DLG2: variants seen among roughly 807,000 people sequenced by gnomAD.
DLG2 encodes discs large MAGUK scaffold protein 2.
In DLG2, 45 loss-of-function variants were observed where a neutral mutation model predicts 132.5. That is an observed-to-expected ratio of 0.34 (90% confidence interval 0.27 to 0.44). The LOEUF (loss-of-function observed/expected upper bound fraction) is 0.44. Among genes scored for constraint, DLG2 ranks in the 20% least tolerant of loss-of-function variants. The probability of loss-of-function intolerance (pLI) is 1.00; values close to 1 mark genes in which losing one functional copy is unlikely to be tolerated. For synonymous variants in DLG2, 424 were observed against 419.6 expected (o/e 1.01, Z -0.13); for missense variants, 1,045 against 1,196.9 (o/e 0.87, Z 1.87).
intron 18 of DLG2, among the ~76,000 whole-genome samples, chr11:83,690,460 A>C (rs2080782259): frequency 6.6e-6 from 1 of 152,048 alleles, no homozygotes; most frequent in Non-Finnish European, 1.5e-5. Context: ...TAAACAACCT[A>C]AATGTAATGG....
At chr11:84,625,790 C>A (rs2099621526) in intron 6 of DLG2, among the ~76,000 whole-genome samples, 1 of 152,084 alleles carries the variant, frequency 6.6e-6, no homozygotes, top group South Asian at 2.1e-4. Flanking sequence ...ATGGGCCAGA[C>A]TATAGTTTAA....
intron 6 of DLG2, among the ~76,000 whole-genome samples, chr11:84,830,966 C>T (rs946617023): frequency 8.8e-6 from 1 of 113,210 alleles, no homozygotes; most frequent in African/African-American, 3.4e-5. Context: ...CCACCCCCCC[C>T]AGCTCTGTCT....
intron 11 of DLG2, among the ~76,000 whole-genome samples, chr11:84,040,546 T>C (rs1318642969): frequency 6.6e-6 from 1 of 152,074 alleles, no homozygotes; most frequent in East Asian, 1.9e-4. Context: ...TGCGGCATTA[T>C]TTCTGAGGGC....
intron 7 of DLG2, among the ~76,000 whole-genome samples, chr11:84,406,426 C>A (rs2098850008): frequency 6.6e-6 from 1 of 152,172 alleles, no homozygotes; most frequent in African/African-American, 2.4e-5. Context: ...TCAAATGGTC[C>A]TCTTGCATCA....
intron 18 of DLG2, among the ~76,000 whole-genome samples, chr11:83,734,637 G>A (rs2153706151): frequency 6.6e-6 from 1 of 152,172 alleles, no homozygotes; most frequent in South Asian, 2.1e-4. Flanking sequence ...TTTTAGTAGA[G>A]ATGGGGTTTC....
intron 8 of DLG2, among the ~76,000 whole-genome samples, chr11:84,198,504 C>T (rs2096551735): frequency 6.6e-6 from 1 of 151,784 alleles, no homozygotes; most frequent in Non-Finnish European, 1.5e-5. Flanking sequence ...TGGGGAAGCA[C>T]AAGGAAATAA....
At chr11:83,868,498 A>C (rs1413314315) in intron 16 of DLG2, among the ~76,000 whole-genome samples, 1 of 152,182 alleles carries the variant, frequency 6.6e-6, no homozygotes, top group Non-Finnish European at 1.5e-5. Flanking sequence ...TGACACATAC[A>C]TATAAATACA....
At chr11:85,132,177 A>G (rs1385092537) in intron 5 of DLG2, among the ~76,000 whole-genome samples, 2 of 152,206 alleles carry the variant, frequency 1.3e-5, no homozygotes, top group Admixed American at 6.6e-5. Context: ...TATACTTCCA[A>G]TAATGCAAAT....
At chr11:83,780,452 T>C (rs4143314) in intron 18 of DLG2, among the ~76,000 whole-genome samples, 58,955 of 152,050 alleles carry the variant, frequency 0.39, 11,748 homozygotes, top group Middle Eastern at 0.59. Context: ...ACAGATTATT[T>C]ACATGAGTTT....
At chr11:84,172,486 G>C (rs917441442) in intron 8 of DLG2, among the ~76,000 whole-genome samples, 10 of 151,540 alleles carry the variant, frequency 6.6e-5, no homozygotes, top group African/African-American at 2.4e-4. Flanking sequence ...ACCACATAAA[G>C]AAAAAATCAG....
At chr11:85,469,192 G>T (rs1203779510) in intron 3 of DLG2, 2 of 152,106 alleles carry the variant, frequency 1.3e-5, no homozygotes, top group Admixed American at 1.3e-4. Flanking sequence ...AAATATGACT[G>T]CTTCTTACCA....
At chr11:85,166,887 T>C (rs1423409285) in intron 4 of DLG2, among the ~76,000 whole-genome samples, 1 of 152,166 alleles carries the variant, frequency 6.6e-6, no homozygotes, top group Non-Finnish European at 1.5e-5. Context: ...GTATTCATCT[T>C]TTATATACAT....
chr11:84,270,563 T>C (rs958183405), intron 7 of DLG2, among the ~76,000 whole-genome samples: 2 of 152,208 alleles, frequency 1.3e-5, no homozygotes, highest in African/African-American at 4.8e-5. Flanking sequence ...TATCATGACT[T>C]GAGATTTTAT....
chr11:83,937,526 A>G (rs112501895), intron 14 of DLG2, among the ~76,000 whole-genome samples: 2,296 of 150,314 alleles, frequency 0.015, 50 homozygotes, highest in African/African-American at 0.053. Flanking sequence ...AAAAAAAAAA[A>G]AAAATTGAAA....
At chr11:85,091,686 CA>C (rs979478749) in intron 6 of DLG2, among the ~76,000 whole-genome samples, 2 of 152,168 alleles carry the variant, frequency 1.3e-5, no homozygotes, top group Admixed American at 6.5e-5. Flanking sequence ...AATTTTGTCT[CA>C]AAAAAACACT....
chr11:85,445,421 T>C (rs2091963884), intron 3 of DLG2, among the ~76,000 whole-genome samples: 1 of 152,208 alleles, frequency 6.6e-6, no homozygotes. Context: ...CTCATGCCTG[T>C]AATCCCAGCA....
rs960214434 is a variant in DLG2 at position 85,018,514 on chromosome 11, G to C, written c.357+93147C>G. 2.6e-5 allele frequency among the ~76,000 whole-genome samples: 4 copies of C among 152,088 alleles called. 1 individual carries two copies. The highest frequency in any genetic ancestry group is 9.7e-5 in the African/African-American group (4 of 41,414). ...TACTCTGTATCCCTATCAAAGATTC[G>C]TGTGATCTTTGCCTCTAAGTAAAGC... On this transcript the variant is annotated intron_variant, in intron 6 of 27. Coordinates refer to ENST00000376104, the MANE Select transcript of DLG2 (RefSeq NM_001142699.3).
At chr11:83,910,643 G>A (rs1433605400) in intron 15 of DLG2, among the ~76,000 whole-genome samples, 4 of 152,018 alleles carry the variant, frequency 2.6e-5, no homozygotes, top group African/African-American at 9.7e-5. Flanking sequence ...TACATGTATC[G>A]AAACATCACT....
In DLG2 at chr11:84,502,202, C is replaced by CTCTCT. The variant is rs56962951; in HGVS notation, c.519+32367_519+32368insAGAGA. 1.3e-3 allele frequency among the ~76,000 whole-genome samples: 33 copies of CTCTCT among 24,944 alleles called. 8 individuals carry two copies. The highest frequency in any genetic ancestry group is 0.019 in the Middle Eastern group (1 of 52). 16.4% of individuals were successfully genotyped at this position (24,944 alleles called of 152,430 possible). On this transcript the variant is annotated intron_variant, in intron 7 of 27. Transcript: ENST00000376104. ...TCTCTCTCTTTCTCTCTCTCTCTCTCCTTCCTTCCTTCCTTCCTTCCTTCC... is the reference window on the plus strand; with the variant it reads ...TCTCTCTCTTTCTCTCTCTCTCTCTCTCTCTCTTCCTTCCTTCCTTCCTTCCTTCC...
Sources: gnomAD v4.1 joint callset for allele counts (sites outside exome capture counted in the v4.1 genomes callset) on GRCh38, gnomAD v4.1.1 for gene constraint, MANE v1.5 for transcripts, NCBI Gene and HGNC (gene_info 2026-07-23, HGNC 2026-07-21) for gene names.